Variants in INTS9 observed in about 807,000 individuals in gnomAD.
INTS9 encodes protein related to CPSF subunits of 74 kDa.
INTS9 carries 55 observed loss-of-function variants against 79.7 expected under a neutral mutation model. The observed-to-expected ratio is 0.69, with a 90% CI of 0.56 to 0.86. The LOEUF (loss-of-function observed/expected upper bound fraction) is 0.86. Among genes scored for constraint, INTS9 ranks in the 40% least tolerant of loss-of-function variants. The probability of loss-of-function intolerance (pLI) is 0.00; values close to 1 mark genes in which losing one functional copy is unlikely to be tolerated. For synonymous variants in INTS9, 319 were observed against 325.2 expected (o/e 0.98, Z 0.20); for missense variants, 721 against 831.5 (o/e 0.87, Z 1.64).
intron 15 of INTS9, among the ~76,000 whole-genome samples, chr8:28,770,702 G>A (rs947335934): frequency 5.3e-5 from 8 of 152,176 alleles, no homozygotes; most frequent in Admixed American, 3.9e-4. Context: ...GGTGCCCTCC[G>A]GTTCCAGCCC....
At position 28,768,182 on chromosome 8, in the gene INTS9, C is replaced by T. The variant is rs1398867282; in HGVS notation, c.1941G>A (p.Leu647=). The change falls in exon 17 of 17, where the codon CTG becomes CTA. Residue 647 remains leucine (L), a synonymous_variant. Transcript: ENST00000521022. ...CDNDEMLRVR[L]RDLVLKFLQK... ...GTAAGAATTTGAGGACAAGGTCCCG[C>T]AGTCGCACTCTGAGCATCTCGTCAT... 1.2e-6 allele frequency: 2 copies of T among 1,614,198 alleles called. No individual in the cohort carries two copies. The highest frequency in any genetic ancestry group is 1.7e-6 in the Non-Finnish European group (2 of 1,180,042).
chr8:28,799,514 A>G (rs979045000), intron 8 of INTS9: 1 of 152,176 alleles, frequency 6.6e-6, no homozygotes, highest in Non-Finnish European at 1.5e-5. Context: ...CTTAACTCAG[A>G]GACATTTCTC....
chr8:28,832,651 G>C (rs535583152), intron 6 of INTS9, among the ~76,000 whole-genome samples: 36 of 152,268 alleles, frequency 2.4e-4, no homozygotes, highest in African/African-American at 7.5e-4. Flanking sequence ...CTCTGTGTCA[G>C]TTTTCTCTCC....
chr8:28,861,487 T>A (rs1808457735), intron 1 of INTS9, among the ~76,000 whole-genome samples: 1 of 152,186 alleles, frequency 6.6e-6, no homozygotes, highest in African/African-American at 2.4e-5. Context: ...TAAAATGAAA[T>A]GTGTGTAACA....
chr8:28,871,964 G>A (rs1351768640), intron 1 of INTS9, among the ~76,000 whole-genome samples: 1 of 151,982 alleles, frequency 6.6e-6, no homozygotes, highest in Non-Finnish European at 1.5e-5. Context: ...ACAAATGAGT[G>A]AAAAAACATA....
At chr8:28,831,664 C>T (rs1054224611) in intron 6 of INTS9, among the ~76,000 whole-genome samples, 3 of 152,148 alleles carry the variant, frequency 2.0e-5, no homozygotes, top group Admixed American at 2.0e-4. Flanking sequence ...GGATTTGGGG[C>T]TTCCTAAGAC....
chr8:28,826,875 GT>G (rs1298160106), intron 6 of INTS9, among the ~76,000 whole-genome samples: 10 of 152,276 alleles, frequency 6.6e-5, no homozygotes, highest in African/African-American at 2.4e-4. Flanking sequence ...GCATTTGGTA[GT>G]TACTCAACAA....
At chr8:28,885,677 T>C (rs1294737273) in intron 1 of INTS9, among the ~76,000 whole-genome samples, 2 of 152,216 alleles carry the variant, frequency 1.3e-5, no homozygotes, top group Non-Finnish European at 2.9e-5. Flanking sequence ...TTCCTGGCCA[T>C]GATGTTTCAA....
intron 6 of INTS9, among the ~76,000 whole-genome samples, chr8:28,821,396 T>C (rs946292443): frequency 1.3e-5 from 2 of 152,210 alleles, no homozygotes; most frequent in Non-Finnish European, 2.9e-5. Context: ...TTCACTATCA[T>C]GAGACTAGCA....
intron 4 of INTS9, among the ~76,000 whole-genome samples, chr8:28,845,372 C>T (rs1267835408): frequency 2.0e-5 from 3 of 152,190 alleles, no homozygotes; most frequent in Non-Finnish European, 4.4e-5. Context: ...CCTGGCTCTA[C>T]TTTAAAACAG....
At chr8:28,869,277 A>G (rs1217786784) in intron 1 of INTS9, among the ~76,000 whole-genome samples, 2 of 152,182 alleles carry the variant, frequency 1.3e-5, no homozygotes, top group African/African-American at 4.8e-5. Flanking sequence ...TCTGGGCTCC[A>G]GCAAGTGATC....
rs577223230 is a variant in INTS9, at chr8:28,773,330, G to A, written c.1564-2250C>T. Among the ~76,000 whole-genome samples, 82 of 151,798 alleles carry A rather than the reference G, an allele frequency of 5.4e-4. 5 individuals carry two copies. The South Asian group carries it at 0.016, about 30-fold the overall frequency. On this transcript the variant is annotated intron_variant, in intron 14 of 16. Coordinates refer to ENST00000521022, the MANE Select transcript of INTS9 (RefSeq NM_018250.4). Reference sequence around the variant, plus strand: ...TACAAAAAAATTAGCTGGGCATGGTGGCGGGTGCCTGTGGTCCCAGCTACT... The same window carrying A: ...TACAAAAAAATTAGCTGGGCATGGTAGCGGGTGCCTGTGGTCCCAGCTACT...
intron 4 of INTS9, among the ~76,000 whole-genome samples, chr8:28,843,336 T>C (rs1268616453): frequency 6.6e-6 from 1 of 152,262 alleles, no homozygotes; most frequent in Admixed American, 6.5e-5. Flanking sequence ...CTCTTCCTAA[T>C]AAATGTTTCT....
chr8:28,855,003 A>C (rs1808063634), intron 2 of INTS9, among the ~76,000 whole-genome samples: 1 of 152,202 alleles, frequency 6.6e-6, no homozygotes, highest in African/African-American at 2.4e-5. Flanking sequence ...CATGGTGAAC[A>C]GCCCAGCAGG....
chr8:28,852,948 G>A (rs993276844), intron 2 of INTS9, among the ~76,000 whole-genome samples: 1 of 152,216 alleles, frequency 6.6e-6, no homozygotes, highest in South Asian at 2.1e-4. Context: ...AAGACATGCT[G>A]ACTATAGAGA....
intron 2 of INTS9, among the ~76,000 whole-genome samples, chr8:28,858,115 A>G (rs17451440): frequency 0.02 from 3,098 of 152,278 alleles, 55 homozygotes; most frequent in Non-Finnish European, 0.033. Flanking sequence ...GCCCTCGTCC[A>G]GTTCTCATCA....
At chr8:28,862,574 G>C (rs1469550509) in intron 1 of INTS9, among the ~76,000 whole-genome samples, 1 of 152,144 alleles carries the variant, frequency 6.6e-6, no homozygotes, top group African/African-American at 2.4e-5. Flanking sequence ...CCCAGAAGTA[G>C]CACTAACTGG....
chr8:28,850,410 A>G (rs755369806), intron 2 of INTS9, 137 bp from the exon 3 acceptor site: 8 of 546,420 alleles, frequency 1.5e-5, no homozygotes, highest in Non-Finnish European at 1.9e-5. Flanking sequence ...AATTCCAATA[A>G]AAAATAAGAG....
intron 10 of INTS9, among the ~76,000 whole-genome samples, chr8:28,790,160 C>T (rs565734511): frequency 7.9e-5 from 12 of 152,250 alleles, no homozygotes; most frequent in Admixed American, 3.9e-4. Flanking sequence ...AACAGCAGGC[C>T]GGGCCTGAGG....
Sources: allele counts gnomAD v4.1 joint callset (sites outside exome capture counted in the v4.1 genomes callset), GRCh38; gene constraint gnomAD v4.1.1; transcripts MANE v1.5; gene names NCBI Gene and HGNC (gene_info 2026-07-23, HGNC 2026-07-21).